Variants in FHIT observed in about 807,000 individuals in gnomAD.
FHIT encodes fragile histidine triad diadenosine triphosphatase, also known as bis(5'-adenosyl)-triphosphatase.
A neutral mutation model predicts 17.9 loss-of-function variants in FHIT; 19 were observed. The ratio of observed to expected loss-of-function variants is 1.06; its 90% CI spans 0.74 to 1.56. FHIT has a LOEUF of 1.56. Ranked by LOEUF, FHIT falls within the 40% of genes most tolerant of loss-of-function variation. The probability of loss-of-function intolerance (pLI) is 0.00; values close to 1 mark genes in which losing one functional copy is unlikely to be tolerated. For missense variants in FHIT, 248 were observed against 189.2 expected (o/e 1.31, Z -1.82); for synonymous variants, 81 against 69.7 (o/e 1.16, Z -0.81).
chr3:61,124,458 G>C (rs2036551583), intron 2 of FHIT, among the ~76,000 whole-genome samples: 1 of 152,102 alleles, frequency 6.6e-6, no homozygotes, highest in Non-Finnish European at 1.5e-5. Flanking sequence ...TCTAATTGTA[G>C]TGTTTGTCAG....
intron 3 of FHIT, among the ~76,000 whole-genome samples, chr3:60,887,735 T>C (rs1197485744): frequency 6.6e-6 from 1 of 152,136 alleles, no homozygotes; most frequent in Non-Finnish European, 1.5e-5. Context: ...GGCCAGAATG[T>C]AGTAAATGTC....
At chr3:61,222,667 G>A (rs1247408665) in intron 1 of FHIT, among the ~76,000 whole-genome samples, 1 of 152,164 alleles carries the variant, frequency 6.6e-6, no homozygotes, top group African/African-American at 2.4e-5. Flanking sequence ...AAGGGTTGAT[G>A]ACAAGACGAG....
At chr3:60,226,468 G>A (rs550177620) in intron 5 of FHIT, among the ~76,000 whole-genome samples, 12 of 50,872 alleles carry the variant, frequency 2.4e-4, no homozygotes, top group African/African-American at 9.7e-4. Context: ...GTGAAACTCC[G>A]TCTCAAAAAA....
chr3:60,631,417 A>G (rs782710805), intron 4 of FHIT, among the ~76,000 whole-genome samples: 20 of 152,178 alleles, frequency 1.3e-4, no homozygotes, highest in Non-Finnish European at 2.5e-4. Context: ...TTCACTAACT[A>G]TTATTCTGAT....
intron 5 of FHIT, among the ~76,000 whole-genome samples, chr3:60,084,583 G>C (rs1703421159): frequency 6.6e-6 from 1 of 152,120 alleles, no homozygotes; most frequent in African/African-American, 2.4e-5. Flanking sequence ...TATATTTATT[G>C]GGTATTATAT....
At chr3:59,799,677 A>C (rs1699918809) in intron 8 of FHIT, among the ~76,000 whole-genome samples, 1 of 152,190 alleles carries the variant, frequency 6.6e-6, no homozygotes, top group Non-Finnish European at 1.5e-5. Flanking sequence ...CCTTTCTTCC[A>C]TTTATTTCAT....
chr3:60,106,386 G>A (rs1342430147), intron 5 of FHIT, among the ~76,000 whole-genome samples: 2 of 152,126 alleles, frequency 1.3e-5, no homozygotes, highest in Non-Finnish European at 2.9e-5. Context: ...GGGAAAAAAA[G>A]AAAAATTCAT....
chr3:59,778,886 G>A (rs374610214), intron 8 of FHIT, among the ~76,000 whole-genome samples: 1 of 152,282 alleles, frequency 6.6e-6, no homozygotes, highest in African/African-American at 2.4e-5. Flanking sequence ...CTAGTCTTTT[G>A]TTTTACTCCT....
Position 60,238,732 on chromosome 3 carries a change from A to C in FHIT, c.104-224580T>G, listed in dbSNP as rs1021686535. On this transcript the variant is annotated intron_variant, in intron 5 of 9. Coordinates refer to ENST00000492590, the MANE Select transcript of FHIT (RefSeq NM_002012.4). The stretch of plus-strand genomic sequence containing the variant: ...GGGAAAGCAAAGATCAGAGCTGAGG[A>C]ACAACAAAAAAAGTTGGCACCTGAT... Among the ~76,000 whole-genome samples the C allele has an allele frequency of 2.6e-4, 40 of 152,136 alleles. 1 individual carries two copies. The highest frequency in any genetic ancestry group is 9.7e-4 in the African/African-American group (40 of 41,430).
chr3:61,248,434 C>T (rs2040537222), intron 1 of FHIT, among the ~76,000 whole-genome samples: 1 of 152,076 alleles, frequency 6.6e-6, no homozygotes. Context: ...TCAGAAGAGA[C>T]CAGAGTTACC....
chr3:59,830,096 C>G (rs925942677), intron 8 of FHIT, among the ~76,000 whole-genome samples: 7 of 151,804 alleles, frequency 4.6e-5, no homozygotes, highest in African/African-American at 1.7e-4. Context: ...ACAAAACAAC[C>G]CCCCCCTCAA....
intron 5 of FHIT, among the ~76,000 whole-genome samples, chr3:60,443,319 A>G (rs1423288137): frequency 6.6e-6 from 1 of 152,108 alleles, no homozygotes; most frequent in Non-Finnish European, 1.5e-5. Context: ...GTTGAATAGG[A>G]GTGGTGAGAG....
intron 5 of FHIT, among the ~76,000 whole-genome samples, chr3:60,356,758 A>AC (rs1453352825): frequency 2.3e-4 from 14 of 61,416 alleles, no homozygotes; most frequent in Non-Finnish European, 4.8e-4. Context: ...AGAGACAAAA[A>AC]AAAAAAAAAA....
chr3:60,811,261 C>G (rs1414204572), intron 4 of FHIT, among the ~76,000 whole-genome samples: 1 of 152,130 alleles, frequency 6.6e-6, no homozygotes, highest in East Asian at 1.9e-4. Context: ...AAACAGTAAG[C>G]TAACATTCAC....
chr3:60,604,167 G>A (rs1490064438), intron 4 of FHIT, among the ~76,000 whole-genome samples: 2 of 152,148 alleles, frequency 1.3e-5, no homozygotes, highest in Non-Finnish European at 2.9e-5. Context: ...ATTTAGTACA[G>A]TGAGAGAAAG....
chr3:60,807,142 A>T (rs1306595693), intron 4 of FHIT, among the ~76,000 whole-genome samples: 1 of 152,212 alleles, frequency 6.6e-6, no homozygotes, highest in East Asian at 1.9e-4. Flanking sequence ...TTTCAAGTGA[A>T]CAATTAACTA....
chr3:60,744,263 C>CAAAAAAAAAAAAAAAAAAAA (rs1201886354), intron 4 of FHIT, among the ~76,000 whole-genome samples: 2 of 85,984 alleles, frequency 2.3e-5, no homozygotes, highest in South Asian at 3.8e-4. Flanking sequence ...AAAAACAAAA[C>CAAAAAAAAAAAAAAAAAAAA]AAAACAAAAA....
At chr3:60,151,490 A>G (rs892570052) in intron 5 of FHIT, among the ~76,000 whole-genome samples, 35 of 152,180 alleles carry the variant, frequency 2.3e-4, no homozygotes, top group African/African-American at 8.0e-4. Context: ...AAAAATAAAT[A>G]AACAGATGAG....
chr3:60,488,271 A>T (rs1037475750), intron 5 of FHIT, among the ~76,000 whole-genome samples: 1 of 152,140 alleles, frequency 6.6e-6, no homozygotes, highest in African/African-American at 2.4e-5. Context: ...AGCCCCTGTT[A>T]TGTTCCTAGT....
Sources: gnomAD v4.1 joint callset for allele counts (sites outside exome capture counted in the v4.1 genomes callset) on GRCh38, gnomAD v4.1.1 for gene constraint, MANE v1.5 for transcripts, NCBI Gene and HGNC (gene_info 2026-07-23, HGNC 2026-07-21) for gene names.